The following ADGRL2 variants were observed in gnomAD, a reference collection of about 807,000 sequenced individuals.
ADGRL2 encodes the protein calcium-independent alpha-latrotoxin receptor 2.
ADGRL2 carries 44 observed loss-of-function variants against 157.4 expected under a neutral mutation model. The ratio of observed to expected loss-of-function variants is 0.28; its 90% CI spans 0.22 to 0.36. The LOEUF is 0.36. ADGRL2 is among the 10% of genes least tolerant of loss of function. The pLI is 1.00. For synonymous variants in ADGRL2, 585 were observed against 624.7 expected (o/e 0.94, Z 0.95); for missense variants, 1,510 against 1,768.9 (o/e 0.85, Z 2.63).
intron 1 of ADGRL2, among the ~76,000 whole-genome samples, chr1:81,809,138 G>C (rs2089534158): frequency 6.6e-6 from 1 of 151,942 alleles, no homozygotes; most frequent in African/African-American, 2.4e-5. Context: ...TTTCCAATCT[G>C]TGAGGAGTAC....
At chr1:81,856,626 T>A (rs1293512654) in intron 2 of ADGRL2, among the ~76,000 whole-genome samples, 1 of 152,134 alleles carries the variant, frequency 6.6e-6, no homozygotes, top group Non-Finnish European at 1.5e-5. Context: ...TGGTGAGTGA[T>A]GAATGTCAGG....
chr1:81,710,353 G>A (rs2149074235), intron 1 of ADGRL2, among the ~76,000 whole-genome samples: 1 of 152,136 alleles, frequency 6.6e-6, no homozygotes, highest in Non-Finnish European at 1.5e-5. Context: ...TGTGAGGCAT[G>A]GTGGCTCATG....
chr1:81,382,407 AC>A (rs1292604141), intron 1 of ADGRL2, among the ~76,000 whole-genome samples: 1 of 152,226 alleles, frequency 6.6e-6, no homozygotes, highest in South Asian at 2.1e-4. Flanking sequence ...GGACTAACAC[AC>A]AATAGGGGTA....
intron 1 of ADGRL2, among the ~76,000 whole-genome samples, chr1:81,365,689 A>G (rs2076052822): frequency 6.6e-6 from 1 of 152,170 alleles, no homozygotes; most frequent in Non-Finnish European, 1.5e-5. Context: ...ACCCACAAGC[A>G]TGATTGGGAT....
At chr1:81,604,348 C>T (rs779137886) in intron 3 of ADGRL2, among the ~76,000 whole-genome samples, 8 of 152,152 alleles carry the variant, frequency 5.3e-5, no homozygotes, top group Admixed American at 2.0e-4. Flanking sequence ...TCCTCATCCT[C>T]GTTTCCCCAT....
At chr1:81,765,868 C>A (rs2086099067) in intron 2 of ADGRL2, among the ~76,000 whole-genome samples, 1 of 152,068 alleles carries the variant, frequency 6.6e-6, no homozygotes, top group Admixed American at 6.6e-5. Flanking sequence ...TAAAATTTCA[C>A]AAGTTTCCAA....
At chr1:81,966,693 G>A (rs1251525595) in intron 13 of ADGRL2, 84 bp downstream of exon 13, 18 of 1,185,166 alleles carry the variant, frequency 1.5e-5, no homozygotes, top group Non-Finnish European at 2.3e-5. Flanking sequence ...TGGGGATGGG[G>A]AGAGAACTGG....
intron 2 of ADGRL2, among the ~76,000 whole-genome samples, chr1:81,465,594 A>G (rs2078035900): frequency 6.6e-6 from 1 of 152,124 alleles, no homozygotes; most frequent in African/African-American, 2.4e-5. Flanking sequence ...TAATATTAAA[A>G]ATGAAAAATT....
intron 2 of ADGRL2, among the ~76,000 whole-genome samples, chr1:81,849,844 T>C (rs2092933773): frequency 6.6e-6 from 1 of 151,966 alleles, no homozygotes; most frequent in South Asian, 2.1e-4. Context: ...TTGACAGCTT[T>C]AAATGCATAG....
intron 2 of ADGRL2, among the ~76,000 whole-genome samples, chr1:81,861,419 G>A (rs1431826068): frequency 2.6e-5 from 4 of 152,134 alleles, no homozygotes; most frequent in Non-Finnish European, 5.9e-5. Context: ...GTTAATTTAA[G>A]AAATTCATCT....
chr1:81,788,962 C>T (rs868807412), intron 2 of ADGRL2, among the ~76,000 whole-genome samples: 5 of 152,228 alleles, frequency 3.3e-5, no homozygotes, highest in Admixed American at 6.5e-5. Context: ...GTGATCCACC[C>T]GCCTTGGCCT....
At chr1:81,982,089 T>TA (rs1194660848) in intron 19 of ADGRL2, 113 bp downstream of exon 19, 1 of 842,420 alleles carries the variant, frequency 1.2e-6, no homozygotes, top group African/African-American at 1.8e-5. Flanking sequence ...AAGAGCATTA[T>TA]ATTTTTAATT....
intron 3 of ADGRL2, among the ~76,000 whole-genome samples, chr1:81,615,965 A>G (rs960082194): frequency 6.6e-6 from 1 of 152,132 alleles, no homozygotes; most frequent in Non-Finnish European, 1.5e-5. Flanking sequence ...TGAAGCAGAC[A>G]GCTTCAGACT....
chr1:81,418,405 A>T (rs1329849428), intron 1 of ADGRL2, among the ~76,000 whole-genome samples: 1 of 152,224 alleles, frequency 6.6e-6, no homozygotes, highest in African/African-American at 2.4e-5. Context: ...AATTGAACAA[A>T]CAGGAAAATA....
At chr1:81,454,185 T>C (rs993505449) in intron 2 of ADGRL2, among the ~76,000 whole-genome samples, 3 of 152,192 alleles carry the variant, frequency 2.0e-5, no homozygotes, top group Non-Finnish European at 4.4e-5. Context: ...TTTTTCTTTT[T>C]CTTCTTCCTT....
intron 2 of ADGRL2, among the ~76,000 whole-genome samples, chr1:81,543,888 G>C (rs1456060291): frequency 5.3e-5 from 8 of 152,170 alleles, no homozygotes; most frequent in Non-Finnish European, 1.2e-4. Context: ...TCTGTTGAAA[G>C]TTTCTCAATA....
intron 1 of ADGRL2, among the ~76,000 whole-genome samples, chr1:81,389,352 TGA>T (rs988662389): frequency 2.0e-5 from 3 of 152,134 alleles, no homozygotes; most frequent in African/African-American, 7.2e-5. Flanking sequence ...AAAATAATTT[TGA>T]GTTATAATAA....
rs116217034 is a variant in ADGRL2 at position 81,984,782 on chromosome 1, A to G, written c.3411+71A>G. The stretch of plus-strand genomic sequence containing the variant: ...AAACCTACTGAGACATGTTCTGTTC[A>G]GATGCACTAATTGTCTTCTCATTAT... On this transcript the variant is annotated intron_variant, in intron 20 of 23. Coordinates refer to ENST00000686636, the MANE Select transcript of ADGRL2 (RefSeq NM_001366006.2). 8.0e-4 allele frequency: 1,190 copies of G among 1,483,298 alleles called. 9 individuals are homozygous for G. In the African/African-American group the frequency reaches 0.015, roughly 19 times the overall value. The allele number at this position is 1,483,298 out of a possible 1,614,324, so 91.9% of individuals were successfully genotyped here.
In ADGRL2 at chr1:81,521,972, T is replaced by TG. The variant is rs201736205; in HGVS notation, c.-247-58904_-247-58903insG. Among the ~76,000 whole-genome samples the TG allele has an allele frequency of 1.8e-3, 267 of 151,670 alleles. 2 individuals carry two copies. Among genetic ancestry groups the TG allele is most frequent in the African/African-American group, 6.3e-3 (260 of 41,274 alleles). ...GTATAATAAATGTACTTTTTGTTTT[T>TG]TTTTTTTTTTGAGAAAGAGACTTGT... On this transcript the variant is annotated intron_variant, in intron 2 of 24. Coordinates refer to the ADGRL2 transcript ENST00000370721.
Sources: allele counts gnomAD v4.1 joint callset (sites outside exome capture counted in the v4.1 genomes callset), GRCh38; gene constraint gnomAD v4.1.1; transcripts MANE v1.5; gene names NCBI Gene and HGNC (gene_info 2026-07-23, HGNC 2026-07-21).